Variants in OBSL1 observed in about 807,000 individuals in gnomAD.
OBSL1 encodes obscurin like cytoskeletal adaptor 1.
In OBSL1, 160 loss-of-function variants were observed where a neutral mutation model predicts 172.0. The ratio of observed to expected loss-of-function variants is 0.93; its 90% CI spans 0.82 to 1.06. The LOEUF is 1.06. OBSL1 is among the 50% of genes least tolerant of loss of function. The pLI is 0.00. For synonymous variants in OBSL1, 1,200 were observed against 1,196.3 expected, an observed-to-expected ratio of 1.00 and a Z score of -0.06; for missense variants, 2,681 against 2,715.4, an observed-to-expected ratio of 0.99 and a Z score of 0.28.
At chr2:219,560,331 G>A (rs1343931792) in intron 8 of OBSL1, among the ~76,000 whole-genome samples, 2 of 152,218 alleles carry the variant, frequency 1.3e-5, no homozygotes, top group Non-Finnish European at 2.9e-5. Flanking sequence ...CAGGAACTCA[G>A]TAATGCTTTT....
rs201403113 is a variant in OBSL1 at position 219,570,479 on chromosome 2, G to A, written c.754C>T (p.Pro252Ser). Residue 252 changes from proline (P) to serine (S), a missense_variant, in exon 1 of 21, where the codon CCT (proline) becomes TCT (serine). By Grantham distance (74) the Pro-to-Ser change is moderately conservative (BLOSUM62 -1). Around this residue, in one of 5 missense-constraint regions of OBSL1, gnomAD observed 706 missense variants for 695.8 expected, o/e 1.01. Transcript: ENST00000404537. ...CCCTCGTTCACCCAGAAGGTCTTAGGCGCGCACTTGAGCGGCTCCACCACC... is the reference window on the plus strand; with the variant it reads ...CCCTCGTTCACCCAGAAGGTCTTAGACGCGCACTTGAGCGGCTCCACCACC... ...APVVEPLKCA[P>S]KTFWVNEGKH... 22 of 1,612,778 alleles carry A rather than the reference G, an allele frequency of 1.4e-5. No individual in the cohort carries two copies. In the African/African-American group the frequency reaches 2.8e-4, roughly 21 times the overall value.
At chr2:219,561,398 T>A (rs577162949) in intron 8 of OBSL1, among the ~76,000 whole-genome samples, 1 of 152,174 alleles carries the variant, frequency 6.6e-6, no homozygotes, top group African/African-American at 2.4e-5. Flanking sequence ...CCTGTGCTTC[T>A]CCCGCTTTGA....
chr2:219,556,177 C>A lies in OBSL1; in HGVS notation c.4452G>T (p.Val1484=). The A allele has an allele frequency of 6.2e-7, 1 of 1,613,070 alleles. No homozygotes were observed. Among genetic ancestry groups the A allele is most frequent in the Non-Finnish European group, 8.5e-7 (1 of 1,179,632 alleles). The change falls in exon 14 of 21, where the codon GTG becomes GTT. Residue 1484 remains valine (V), a synonymous_variant. Transcript: ENST00000404537. ...CGTGGGGCAGGGGCTGCCCACCTCG[C>A]ACCCAGCGCACGGCCCCCGCTGCAC... ...RVGAAGAVRW[V]RGGQPLPHDS...
At chr2:219,550,067 G>C, downstream of OBSL1, 2 of 614,924 alleles carry the variant, frequency 3.3e-6, no homozygotes, top group Non-Finnish European at 5.5e-6. Flanking sequence ...GGAACTCGGG[G>C]TGTGAACCCC....
chr2:219,549,827 C>T (rs1311349216), downstream of OBSL1: 1 of 1,614,124 alleles, frequency 6.2e-7, no homozygotes, highest in Non-Finnish European at 8.5e-7. Flanking sequence ...CTCTGACAGC[C>T]TGCTCAGGCC....
intron 14 of OBSL1, chr2:219,555,472 T>C (rs1695933481): frequency 5.0e-6 from 1 of 200,468 alleles, no homozygotes; most frequent in Non-Finnish European, 8.9e-6. Context: ...TGGAGATGGG[T>C]TCTTGCTATG....
downstream of OBSL1, chr2:219,550,439 G>C: frequency 4.3e-6 from 1 of 230,508 alleles, no homozygotes; most frequent in Non-Finnish European, 8.6e-6. Context: ...TGCTGCTCTG[G>C]GCTGGGTTGG....
Position 219,557,512 on chromosome 2 carries a change from AG to A in OBSL1, c.3896del (p.Pro1299LeufsTer62). 1 of 1,552,250 alleles carries A rather than the reference AG, an allele frequency of 6.4e-7. No homozygotes were observed. The highest frequency in any genetic ancestry group is 1.2e-5 in the South Asian group (1 of 83,958). On this transcript the variant is annotated frameshift_variant, in exon 12 of 21. Transcript: ENST00000404537. LOFTEE classifies it high-confidence loss of function. Reference sequence around the variant, plus strand: ...GCTCCCCGTCCTTGTACCAGCGTACAGGGCCCCCTGGCCCGGAGAGGTGCAC... The same window carrying A: ...GCTCCCCGTCCTTGTACCAGCGTACAGGCCCCCTGGCCCGGAGAGGTGCAC... ...LVVHLSGPGG[P>X]VRWYKDGERL...
At chr2:219,561,710 C>T (rs1203093586) in intron 8 of OBSL1, 2 of 616,532 alleles carry the variant, frequency 3.2e-6, no homozygotes, top group Non-Finnish European at 5.9e-6. Context: ...TACTTATCAC[C>T]AGGTGTCACT....
At chr2:219,563,875 A>G (rs1372586755) in intron 6 of OBSL1, among the ~76,000 whole-genome samples, 5 of 152,192 alleles carry the variant, frequency 3.3e-5, no homozygotes, top group African/African-American at 1.2e-4. Flanking sequence ...GGGTGAGTAC[A>G]TAGAGAGAAG....
At chr2:219,558,142 T>G in intron 10 of OBSL1, 32 bp from the exon 11 acceptor site, 1 of 1,611,202 alleles carries the variant, frequency 6.2e-7, no homozygotes, top group Non-Finnish European at 8.5e-7. Context: ...CATCCCATGC[T>G]TGCCCTTGCC....
Position 219,557,938 on chromosome 2 carries a change from G to A in OBSL1, c.3675C>T (p.Gly1225=). 6.2e-7 allele frequency: 1 copy of A among 1,605,848 alleles called. No individual in the cohort carries two copies. Among genetic ancestry groups the A allele is most frequent in the East Asian group, 2.2e-5 (1 of 44,826 alleles). Residue 1225 remains glycine, a synonymous_variant, in exon 11 of 21, where the codon GGC becomes GGT. Coordinates refer to ENST00000404537, the MANE Select transcript of OBSL1 (RefSeq NM_015311.3). ...CCTGGATGCAGAGGACTCGGCGGGG[G>A]CCCTCGGCATGGAGCTCTAGGCCCT... ...EGEGLELHAE[G]PRRVLCIQAA...
At position 219,570,261 on chromosome 2, in the gene OBSL1, C is replaced by G; in HGVS notation, c.972G>C (p.Ser324=). Residue 324 remains serine (S), a synonymous_variant, in exon 1 of 21, where the codon TCG becomes TCC. Coordinates refer to ENST00000404537, the MANE Select transcript of OBSL1 (RefSeq NM_015311.3). ...RGLYVCAARN[S]AGQTLSAVQL... ...GCACGGCACTGAGCGTCTGGCCCGCCGAGTTGCGCGCGGCGCAGACGTAGA... is the reference window on the plus strand; with the variant it reads ...GCACGGCACTGAGCGTCTGGCCCGCGGAGTTGCGCGCGGCGCAGACGTAGA... The G allele has an allele frequency of 6.3e-7, 1 of 1,593,874 alleles. No individual in the cohort carries two copies. The highest frequency in any genetic ancestry group is 2.2e-5 in the East Asian group (1 of 44,524).
At chr2:219,551,473 C>A in intron 20 of OBSL1, 56 bp downstream of exon 20, 1 of 1,515,002 alleles carries the variant, frequency 6.6e-7, no homozygotes, top group South Asian at 1.3e-5. Context: ...GTGGCTTAAC[C>A]CATCAGCTCC....
rs1349524127 is a variant in OBSL1, at chr2:219,571,276, G to C, written c.-44C>G. 1.0e-5 allele frequency: 11 copies of C among 1,084,644 alleles called. 2 individuals are homozygous for C. The highest frequency in any genetic ancestry group is 1.3e-5 in the Non-Finnish European group (11 of 849,880). The allele number at this position is 1,084,644 out of a possible 1,614,324, so 67.2% of individuals were successfully genotyped here. Reference sequence around the variant, plus strand: ...GCAGCGGCGAACGGTGGGGGGGCAGGGGGGGGTGCGGAGGGCGAGCCGAGG... The same window carrying C: ...GCAGCGGCGAACGGTGGGGGGGCAGCGGGGGGTGCGGAGGGCGAGCCGAGG... On this transcript the variant is annotated 5_prime_UTR_variant, in exon 1 of 21. Coordinates refer to ENST00000404537, the MANE Select transcript of OBSL1 (RefSeq NM_015311.3).
chr2:219,551,416 TCCCAGGA>T (rs1375017245), intron 20 of OBSL1, 106 bp downstream of exon 20: 5 of 1,346,274 alleles, frequency 3.7e-6, no homozygotes, highest in Non-Finnish European at 4.0e-6. Context: ...CTCCTACGTA[TCCCAGGA>T]CCCGTTGCCA....
chr2:219,548,196 AGCTGACTT>A, downstream of OBSL1: 1 of 993,418 alleles, frequency 1.0e-6, no homozygotes, highest in South Asian at 1.8e-5. Flanking sequence ...GGCGGTAGAG[AGCTGACTT>A]GCTCAGGGTC....
At chr2:219,563,248 G>A in intron 7 of OBSL1, 107 bp downstream of exon 7, 1 of 1,166,804 alleles carries the variant, frequency 8.6e-7, no homozygotes, top group Non-Finnish European at 1.2e-6. Context: ...CCAGGGGGAG[G>A]GCAGTAGGGG....
At chr2:219,552,330 G>C (rs969968899) in intron 18 of OBSL1, 114 bp from the exon 19 acceptor site, 1 of 1,037,196 alleles carries the variant, frequency 9.6e-7, no homozygotes, top group African/African-American at 1.6e-5. Flanking sequence ...GTGTATGCTA[G>C]GGTGGGCGGA....
Sources: gnomAD v4.1 joint callset for allele counts (sites outside exome capture counted in the v4.1 genomes callset) on GRCh38, gnomAD v4.1.1 for gene constraint, gnomAD v4.1.1 regional missense constraint, MANE v1.5 for transcripts, NCBI Gene and HGNC (gene_info 2026-07-23, HGNC 2026-07-21) for gene names.